Variants in KIRREL3 observed in about 807,000 individuals in gnomAD.
KIRREL3 encodes kirre like nephrin family adhesion molecule 3, also known as kin of IRRE-like protein 3.
A neutral mutation model predicts 89.7 loss-of-function variants in KIRREL3; 36 were observed. That is an observed-to-expected ratio of 0.40 (90% confidence interval 0.31 to 0.53). The LOEUF is 0.53. KIRREL3 is among the 20% of genes least tolerant of loss of function. The pLI, the probability that KIRREL3 is intolerant of heterozygous loss-of-function variation, is 0.49. For missense variants in KIRREL3, 864 were observed against 1,056.6 expected (o/e 0.82, Z 2.53); for synonymous variants, 445 against 441.4 (o/e 1.01, Z -0.10).
At chr11:126,702,425 G>T (rs1428647044) in intron 1 of KIRREL3, among the ~76,000 whole-genome samples, 1 of 152,124 alleles carries the variant, frequency 6.6e-6, no homozygotes, top group African/African-American at 2.4e-5. Flanking sequence ...GTGGGCATTA[G>T]CCACACTGTT....
rs951830091 is a variant in KIRREL3, at chr11:126,744,691, G to A, written c.56-181779C>T. 5.9e-5 allele frequency among the ~76,000 whole-genome samples: 9 copies of A among 152,290 alleles called. No individual in the cohort carries two copies. The highest frequency in any genetic ancestry group is 2.0e-4 in the Admixed American group (3 of 15,306). ...CCCATGGTGCTGGCAATAGTGTCTC[G>A]TGGAAACTAAGGACCCGATGAACAG... On this transcript the variant is annotated intron_variant, in intron 1 of 16. Coordinates refer to ENST00000525144, the MANE Select transcript of KIRREL3 (RefSeq NM_032531.4). The surrounding 1 kb of genome is among the most constrained non-coding windows in gnomAD (Gnocchi z 4.7).
chr11:126,617,853 C>T (rs976535305), intron 1 of KIRREL3, among the ~76,000 whole-genome samples: 8 of 152,346 alleles, frequency 5.3e-5, no homozygotes, highest in Admixed American at 4.6e-4. Flanking sequence ...AAATCAGGTG[C>T]TCTTTCTACT....
At chr11:126,813,665 G>T (rs1366828465) in intron 1 of KIRREL3, among the ~76,000 whole-genome samples, 1 of 151,882 alleles carries the variant, frequency 6.6e-6, no homozygotes, top group African/African-American at 2.4e-5. Context: ...TGGTATTGAG[G>T]TTCACATATG....
chr11:126,696,604 C>T lies in KIRREL3; in HGVS notation c.56-133692G>A, dbSNP rs1947107377. 6.6e-6 allele frequency among the ~76,000 whole-genome samples: 1 copy of T among 152,204 alleles called. No homozygotes were observed. Among genetic ancestry groups the T allele is most frequent in the Non-Finnish European group, 1.5e-5 (1 of 68,044 alleles). On this transcript the variant is annotated intron_variant, in intron 1 of 16. Transcript: ENST00000525144. This position sits in a 1 kb window ranked among gnomAD's most constrained non-coding sequence, Gnocchi z 4.4. ...CACGTGATCCCCAAACGTTGCTGAT[C>T]AACACACCACAGCTGGAATCCACAG...
chr11:126,664,482 A>G lies in KIRREL3; in HGVS notation c.56-101570T>C, dbSNP rs1237676934. 2.0e-5 allele frequency among the ~76,000 whole-genome samples: 3 copies of G among 152,164 alleles called. No homozygotes were observed. Among genetic ancestry groups the G allele is most frequent in the Admixed American group, 6.5e-5 (1 of 15,286 alleles). On this transcript the variant is annotated intron_variant, in intron 1 of 16. Coordinates refer to ENST00000525144, the MANE Select transcript of KIRREL3 (RefSeq NM_032531.4). This position sits in a 1 kb window ranked among gnomAD's most constrained non-coding sequence, Gnocchi z 5.4. Reference sequence around the variant, plus strand: ...ACTCTAAATGAAACAGCTCTGTCATACTGGGCTAGAGCAATCTCAGGTGCA... The same window carrying G: ...ACTCTAAATGAAACAGCTCTGTCATGCTGGGCTAGAGCAATCTCAGGTGCA...
Position 126,477,717 on chromosome 11 carries a change from G to A in KIRREL3, c.434-4251C>T, listed in dbSNP as rs1957106113. 6.6e-6 allele frequency among the ~76,000 whole-genome samples: 1 copy of A among 152,118 alleles called. No individual in the cohort carries two copies. Among genetic ancestry groups the A allele is most frequent in the Admixed American group, 6.5e-5 (1 of 15,284 alleles). On this transcript the variant is annotated intron_variant, in intron 4 of 16. Coordinates refer to ENST00000525144, the MANE Select transcript of KIRREL3 (RefSeq NM_032531.4). This position sits in a 1 kb window ranked among gnomAD's most constrained non-coding sequence, Gnocchi z 4.8. ...CAGCACTGAGGGAATTTCCTCCAGTGTCCACTTGGTCACCCAACTGAGACC... is the reference window on the plus strand; with the variant it reads ...CAGCACTGAGGGAATTTCCTCCAGTATCCACTTGGTCACCCAACTGAGACC...
In KIRREL3 at chr11:126,586,562, G is replaced by A. The variant is rs535249893; in HGVS notation, c.56-23650C>T. Among the ~76,000 whole-genome samples the A allele has an allele frequency of 2.0e-5, 3 of 152,124 alleles. No homozygotes were observed. In the South Asian group the frequency reaches 6.2e-4, roughly 32 times the overall value. ...GTTACTTTCCATTTTATAAACCCGA[G>A]GCTCAGTGAGACTAATTAGGTAACT... On this transcript the variant is annotated intron_variant, in intron 1 of 16. Transcript: ENST00000525144.
rs1325100229 is a variant in KIRREL3 at position 126,664,619 on chromosome 11, G to T, written c.56-101707C>A. On this transcript the variant is annotated intron_variant, in intron 1 of 16. Transcript: ENST00000525144. This position sits in a 1 kb window ranked among gnomAD's most constrained non-coding sequence, Gnocchi z 5.4. ...CAGAGCTGCCCAGAGGATCACCATT[G>T]TTACCAGCTCCGATGTGCCCTTCCT... 2.0e-5 allele frequency among the ~76,000 whole-genome samples: 3 copies of T among 152,202 alleles called. No individual in the cohort carries two copies. The highest frequency in any genetic ancestry group is 4.4e-5 in the Non-Finnish European group (3 of 68,034).
rs954832903 is a variant in KIRREL3 at position 126,981,031 on chromosome 11, T to C, written c.55+19424A>G. Among the ~76,000 whole-genome samples, 1 of 152,180 alleles carries C rather than the reference T, an allele frequency of 6.6e-6. No individual in the cohort carries two copies. Among genetic ancestry groups the C allele is most frequent in the African/African-American group, 2.4e-5 (1 of 41,448 alleles). Reference sequence around the variant, plus strand: ...AGCAATGAGAGATGGTATACTTAGATCTCTGTACCGTGGACTATCATTATT... The same window carrying C: ...AGCAATGAGAGATGGTATACTTAGACCTCTGTACCGTGGACTATCATTATT... On this transcript the variant is annotated intron_variant, in intron 1 of 16. Coordinates refer to ENST00000525144, the MANE Select transcript of KIRREL3 (RefSeq NM_032531.4). The surrounding 1 kb of genome is among the most constrained non-coding windows in gnomAD (Gnocchi z 4.2).
rs539016433 is a variant in KIRREL3, at chr11:126,424,230, C to T, written c.*350G>A. The T allele has an allele frequency of 2.6e-5, 9 of 339,988 alleles. No homozygotes were observed. Among genetic ancestry groups the T allele is most frequent in the Admixed American group, 8.3e-5 (2 of 24,212 alleles). 21.1% of individuals were successfully genotyped at this position (339,988 alleles called of 1,614,324 possible). A position where few individuals can be genotyped will look rare whatever the true frequency, so the allele number is the denominator to read the frequency against. The stretch of plus-strand genomic sequence containing the variant: ...CCCACAGAGAGACCAGAGAGTGGAC[C>T]GCAGTTTCATGAAAGCAGAGTTATA... On this transcript the variant is annotated 3_prime_UTR_variant, in exon 17 of 17. Coordinates refer to ENST00000525144, the MANE Select transcript of KIRREL3 (RefSeq NM_032531.4).
chr11:126,687,479 A>G lies in KIRREL3; in HGVS notation c.56-124567T>C, dbSNP rs1312331277. On this transcript the variant is annotated intron_variant, in intron 1 of 16. Transcript: ENST00000525144. This position sits in a 1 kb window ranked among gnomAD's most constrained non-coding sequence, Gnocchi z 4.6. The stretch of plus-strand genomic sequence containing the variant: ...TAAAGAATTCACAAAAATCCACACC[A>G]AAACCTCTAGATATTCCCATGGAGC... Among the ~76,000 whole-genome samples, 27 of 152,200 alleles carry G rather than the reference A, an allele frequency of 1.8e-4. No individual in the cohort carries two copies. The highest frequency in any genetic ancestry group is 2.9e-5 in the Non-Finnish European group (2 of 68,034).
At chr11:126,540,408 G>C (rs1306682501) in intron 2 of KIRREL3, among the ~76,000 whole-genome samples, 1 of 152,210 alleles carries the variant, frequency 6.6e-6, no homozygotes, top group African/African-American at 2.4e-5. Context: ...AGTGTGGGCA[G>C]CCTGTGATTC....
intron 1 of KIRREL3, among the ~76,000 whole-genome samples, chr11:126,821,309 T>C (rs1374730970): frequency 8.9e-6 from 1 of 112,210 alleles, no homozygotes; most frequent in Non-Finnish European, 1.7e-5. Context: ...TAGATTTTCA[T>C]GGGTCAACGG....
At chr11:126,539,003 T>G (rs1286809927) in intron 2 of KIRREL3, among the ~76,000 whole-genome samples, 2 of 152,126 alleles carry the variant, frequency 1.3e-5, no homozygotes, top group Non-Finnish European at 1.5e-5. Context: ...ACAGCTTACG[T>G]CAAGTGTGGA....
intron 1 of KIRREL3, among the ~76,000 whole-genome samples, chr11:126,718,909 C>A (rs943514964): frequency 2.0e-5 from 3 of 152,154 alleles, no homozygotes; most frequent in African/African-American, 7.2e-5. Flanking sequence ...ATCCCAGCCC[C>A]CTTCTCCCAC....
Position 126,926,995 on chromosome 11 carries a change from C to G in KIRREL3, c.55+73460G>C, listed in dbSNP as rs549372717. ...GCCTGCCCTGTCTGCATGCTAACAG[C>G]TAAGGCATGATGCAGGCAAAATATT... is the stretch of plus-strand genomic sequence containing the variant. On this transcript the variant is annotated intron_variant, in intron 1 of 16. Transcript: ENST00000525144. Among the ~76,000 whole-genome samples, 4 of 152,324 alleles carry G rather than the reference C, an allele frequency of 2.6e-5. No homozygotes were observed. In the East Asian group the frequency reaches 7.7e-4, roughly 29 times the overall value.
At position 126,953,131 on chromosome 11, in the gene KIRREL3, C is replaced by T. The variant is rs1260482824; in HGVS notation, c.55+47324G>A. On this transcript the variant is annotated intron_variant, in intron 1 of 16. Coordinates refer to ENST00000525144, the MANE Select transcript of KIRREL3 (RefSeq NM_032531.4). The surrounding 1 kb of genome is among the most constrained non-coding windows in gnomAD (Gnocchi z 5.2). The stretch of plus-strand genomic sequence containing the variant: ...GAATAAAGAAAATGTGGCACATATA[C>T]ACCATGGAATTCTATGCAGCCATAA... 1.3e-5 allele frequency among the ~76,000 whole-genome samples: 2 copies of T among 152,214 alleles called. No homozygotes were observed. Among genetic ancestry groups the T allele is most frequent in the African/African-American group, 4.8e-5 (2 of 41,446 alleles).
intron 1 of KIRREL3, among the ~76,000 whole-genome samples, chr11:126,907,943 T>C (rs76039497): frequency 0.072 from 10,988 of 152,188 alleles, 485 homozygotes; most frequent in Middle Eastern, 0.12. Flanking sequence ...TGCTCCTCAC[T>C]TTCTTCAGAT....
At chr11:126,674,131 T>C (rs1591933245) in intron 1 of KIRREL3, among the ~76,000 whole-genome samples, 1 of 152,264 alleles carries the variant, frequency 6.6e-6, no homozygotes, top group African/African-American at 2.4e-5. Flanking sequence ...CATTTGGCTC[T>C]GCTGGAATGT....
Sources: gnomAD v4.1 joint callset for allele counts (sites outside exome capture counted in the v4.1 genomes callset) on GRCh38, gnomAD v4.1.1 for gene constraint, Gnocchi (gnomAD v3.1) non-coding constraint, MANE v1.5 for transcripts, NCBI Gene and HGNC (gene_info 2026-07-23, HGNC 2026-07-21) for gene names.